Variants in SCARF1 observed in about 807,000 individuals in gnomAD.
SCARF1 encodes the protein scavenger receptor class F member 1.
Under a neutral mutation model 76.3 loss-of-function variants are expected in SCARF1, and 49 were observed. That is an observed-to-expected ratio of 0.64 (90% CI 0.51 to 0.81). The LOEUF is 0.81. Ranked by LOEUF, SCARF1 falls within the 40% of genes least tolerant of loss-of-function variation. The pLI is 0.00. For missense variants in SCARF1, 1,098 were observed against 1,143.9 expected (o/e 0.96, Z 0.58); for synonymous variants, 495 against 474.6 (o/e 1.04, Z -0.56).
chr17:1,645,701 A>G lies in SCARF1; in HGVS notation c.-4T>C. On this transcript the variant is annotated 5_prime_UTR_variant, in exon 1 of 11. Transcript: ENST00000263071. This position sits in a 1 kb window ranked among gnomAD's most constrained non-coding sequence, Gnocchi z 6.3. ...GGAGCAGCAGCCCCAGCCCCATGGC[A>G]GGCAGCTCGGTGGGAGCGCTCGGGT... The G allele has an allele frequency of 1.3e-6, 2 of 1,596,736 alleles. No individual in the cohort carries two copies. Among genetic ancestry groups the G allele is most frequent in the Non-Finnish European group, 1.7e-6 (2 of 1,174,554 alleles).
Position 1,644,631 on chromosome 17 carries a change from T to G in SCARF1, c.265+203A>C. The G allele has an allele frequency of 1.7e-6, 1 of 602,486 alleles. No homozygotes were observed. The highest frequency in any genetic ancestry group is 3.0e-6 in the Non-Finnish European group (1 of 337,432). 37.3% of individuals were successfully genotyped at this position (602,486 alleles called of 1,614,324 possible). On this transcript the variant is annotated intron_variant, in intron 3 of 10. Coordinates refer to ENST00000263071, the MANE Select transcript of SCARF1 (RefSeq NM_003693.4). The surrounding 1 kb of genome is among the most constrained non-coding windows in gnomAD (Gnocchi z 4.8). Reference sequence around the variant, plus strand: ...GCTCAGGTGGGCAGTGCTTTGTGGATGTGGGTAAAAACCCGGTGACTCAGG... The same window carrying G: ...GCTCAGGTGGGCAGTGCTTTGTGGAGGTGGGTAAAAACCCGGTGACTCAGG...
rs917379871 is a variant in SCARF1, at chr17:1,643,515, G to A, written c.718C>T (p.Pro240Ser). Residue 240 changes from proline to serine, a missense_variant, in exon 4 of 11, where the codon CCG (proline) becomes TCG (serine). By Grantham distance (74) the Pro-to-Ser change is moderately conservative. Coordinates refer to ENST00000263071, the MANE Select transcript of SCARF1 (RefSeq NM_003693.4). ...CSAASGECTC[P>S]PGFRGARCEL... is the part of the protein sequence containing the mutation. ...CAGCGCGCTCCGCGGAAGCCGGGCGGGCAGGTGCACTCGCCGGAGGCGGCG... is the reference window on the plus strand; with the variant it reads ...CAGCGCGCTCCGCGGAAGCCGGGCGAGCAGGTGCACTCGCCGGAGGCGGCG... 1 of 1,371,042 alleles carries A rather than the reference G, an allele frequency of 7.3e-7. No individual in the cohort carries two copies. Among genetic ancestry groups the A allele is most frequent in the South Asian group, 1.7e-5 (1 of 59,126 alleles). The allele number at this position is 1,371,042 out of a possible 1,614,324, so 84.9% of individuals were successfully genotyped here. A position where few individuals can be genotyped will look rare whatever the true frequency, so the allele number is the denominator to read the frequency against.
Position 1,643,667 on chromosome 17 carries a change from C to T in SCARF1, c.566G>A (p.Arg189His). 2 of 1,466,992 alleles carry T rather than the reference C, an allele frequency of 1.4e-6. No individual in the cohort carries two copies. Among genetic ancestry groups the T allele is most frequent in the Non-Finnish European group, 9.0e-7 (1 of 1,116,568 alleles). The allele number at this position is 1,466,992 out of a possible 1,614,324, so 90.9% of individuals were successfully genotyped here. Reference sequence around the variant, plus strand: ...GTGGCAGTTGCAGCGGAAGCTGCAGCGGCGCCCCCACCAGCCCGGCTTGCA... The same window carrying T: ...GTGGCAGTTGCAGCGGAAGCTGCAGTGGCGCCCCCACCAGCCCGGCTTGCA... ...CVCKPGWWGRRCSFRCNCHGS... is the reference protein window; with the variant it reads ...CVCKPGWWGRHCSFRCNCHGS... The change falls in exon 4 of 11, where the codon CGC (arginine) becomes CAC (histidine). Residue 189 changes from arginine (R) to histidine (H), a missense_variant. Physicochemically the swap from Arg to His is conservative, Grantham distance 29. Transcript: ENST00000263071.
In SCARF1 at chr17:1,638,819, C is replaced by T. The variant is rs1364682040; in HGVS notation, c.1351G>A (p.Asp451Asn). The T allele has an allele frequency of 1.2e-6, 2 of 1,608,768 alleles. No individual in the cohort carries two copies. The highest frequency in any genetic ancestry group is 1.7e-6 in the Non-Finnish European group (2 of 1,177,172). ...CACCCWAPRSDLKDRPARDGA... is the reference protein window; with the variant it reads ...CACCCWAPRSNLKDRPARDGA... ...GCTGGCGTTCACCTGTCCTTGAGGT[C>T]TGATCGGGGGGCCCAGCAGCAGCAG... is the stretch of plus-strand genomic sequence containing the variant. Residue 451 changes from aspartate to asparagine, a missense_variant, in exon 8 of 11, where the codon GAC becomes AAC. Physicochemically the swap from Asp to Asn is conservative, Grantham distance 23 (BLOSUM62 1). Coordinates refer to ENST00000263071, the MANE Select transcript of SCARF1 (RefSeq NM_003693.4).
rs549944619 is a variant in SCARF1 at position 1,644,967 on chromosome 17, G to A, written c.164-32C>T. 2.8e-5 allele frequency: 45 copies of A among 1,604,456 alleles called. No homozygotes were observed. The African/African-American group carries it at 4.3e-4, about 15-fold the overall frequency. ...GACACCCCACCCAGGTTGGAAAGAC[G>A]GGAGCAGGACCAGGGGACACCCCTG... is the stretch of plus-strand genomic sequence containing the variant. On this transcript the variant is annotated intron_variant, in intron 2 of 10. Coordinates refer to ENST00000263071, the MANE Select transcript of SCARF1 (RefSeq NM_003693.4). The surrounding 1 kb of genome is among the most constrained non-coding windows in gnomAD (Gnocchi z 4.8).
chr17:1,636,785 A>T lies in SCARF1; in HGVS notation c.1557T>A (p.Thr519=), dbSNP rs1367263881. ...FIEPPSAGWA[T]DDSFSSDPES... is the part of the protein sequence containing the mutation. Reference sequence around the variant, plus strand: ...CAGGATCGGATGAGAAGGAGTCATCAGTGGCCCAGCCGGCAGAGGGCGGCT... The same window carrying T: ...CAGGATCGGATGAGAAGGAGTCATCTGTGGCCCAGCCGGCAGAGGGCGGCT... Residue 519 remains threonine, a synonymous_variant, in exon 10 of 11, where the codon ACT becomes ACA. Transcript: ENST00000263071. The T allele has an allele frequency of 6.2e-7, 1 of 1,613,886 alleles. No homozygotes were observed. The highest frequency in any genetic ancestry group is 8.5e-7 in the Non-Finnish European group (1 of 1,179,988).
In SCARF1 at chr17:1,645,247, GC is replaced by G. The variant is rs1484573409; in HGVS notation, c.102-9del. On this transcript the variant is annotated splice_polypyrimidine_tract_variant and intron_variant, in intron 1 of 10. Transcript: ENST00000263071. This position sits in a 1 kb window ranked among gnomAD's most constrained non-coding sequence, Gnocchi z 6.3. The stretch of plus-strand genomic sequence containing the variant: ...TGCAGCTCAGCAGAGGGGCTGTGGG[GC>G]AAAAAGGGGTCAGCCGGACATGGTG... The G allele has an allele frequency of 6.2e-7, 1 of 1,612,216 alleles. No homozygotes were observed. Among genetic ancestry groups the G allele is most frequent in the African/African-American group, 1.3e-5 (1 of 74,816 alleles).
chr17:1,639,114 C>T lies in SCARF1; in HGVS notation c.1244-188G>A, dbSNP rs549881617. Among the ~76,000 whole-genome samples, 16 of 152,356 alleles carry T rather than the reference C, an allele frequency of 1.1e-4. No homozygotes were observed. The East Asian group carries it at 2.7e-3, about 26-fold the overall frequency. ...AGGCCATGTCAGTGTCCAGCCACCC[C>T]GCTGCCCATTTCACGGCTCTAGCCT... On this transcript the variant is annotated intron_variant, in intron 7 of 10. Coordinates refer to ENST00000263071, the MANE Select transcript of SCARF1 (RefSeq NM_003693.4).
In SCARF1 at chr17:1,635,554, G is replaced by A; in HGVS notation, c.1697C>T (p.Pro566Leu). Residue 566 changes from proline (P) to leucine (L), a missense_variant, in exon 11 of 11, where the codon CCC becomes CTC. Coordinates refer to ENST00000263071, the MANE Select transcript of SCARF1 (RefSeq NM_003693.4). ...EASLAAGAFP[P>L]PEDASTPFAI... ...GAATGGCGTGGAGGCGTCCTCAGGG[G>A]GCGGGAAAGCACCTGCAGCCAGGCT... 6.2e-7 allele frequency: 1 copy of A among 1,611,806 alleles called. No individual in the cohort carries two copies. The highest frequency in any genetic ancestry group is 8.5e-7 in the Non-Finnish European group (1 of 1,179,998).
intron 4 of SCARF1, among the ~76,000 whole-genome samples, chr17:1,642,053 A>G (rs62088046): frequency 0.026 from 3,920 of 152,290 alleles, 71 homozygotes; most frequent in Middle Eastern, 0.041. Flanking sequence ...GAGTGCAGCC[A>G]GTCAAAGTTT....
chr17:1,636,704 G>C lies in SCARF1; in HGVS notation c.1633+5C>G, dbSNP rs774488029. ...CAGGGGCTATGTGGGCTGTTGGGGG[G>C]CTACCTTCTTGGGGTGGCACACAGT... On this transcript the variant is annotated splice_donor_5th_base_variant and intron_variant, in intron 10 of 10. Transcript: ENST00000263071. 2.5e-6 allele frequency: 4 copies of C among 1,613,638 alleles called. No homozygotes were observed. Among genetic ancestry groups the C allele is most frequent in the Admixed American group, 3.3e-5 (2 of 60,000 alleles).
In SCARF1 at chr17:1,645,729, G is replaced by T. The variant is rs112591950; in HGVS notation, c.-32C>A. ...CAGCTCGGTGGGAGCGCTCGGGTTC[G>T]TCTGGCCCCCACAGCTCCCAACCCC... On this transcript the variant is annotated 5_prime_UTR_variant, in exon 1 of 11. Coordinates refer to ENST00000263071, the MANE Select transcript of SCARF1 (RefSeq NM_003693.4). The surrounding 1 kb of genome is among the most constrained non-coding windows in gnomAD (Gnocchi z 6.3). The T allele has an allele frequency of 4.5e-6, 7 of 1,562,814 alleles. No homozygotes were observed. In the African/African-American group the frequency reaches 6.8e-5, roughly 15 times the overall value.
chr17:1,635,596 GC>G lies in SCARF1; in HGVS notation c.1654del (p.Ala552GlnfsTer31). The G allele has an allele frequency of 6.2e-7, 1 of 1,603,268 alleles. No homozygotes were observed. ...AGCCAGGCTGGCCTCTGACGACCCT[GC>G]CTGGGCCACAGGGACCATCCCTGGC... The part of the protein sequence containing the change: ...PQEGMVPVAQ[A>X]GSSEASLAAG... On this transcript the variant is annotated frameshift_variant, in exon 11 of 11. Coordinates refer to ENST00000263071, the MANE Select transcript of SCARF1 (RefSeq NM_003693.4). LOFTEE classifies it low-confidence loss of function (END_TRUNC).
rs570663174 is a variant in SCARF1 at position 1,643,357 on chromosome 17, C to T, written c.791+85G>A. 3.5e-3 allele frequency: 1,028 copies of T among 295,714 alleles called. 16 individuals are homozygous for T. Among genetic ancestry groups the T allele is most frequent in the East Asian group, 0.016 (282 of 17,232 alleles). 18.3% of individuals were successfully genotyped at this position (295,714 alleles called of 1,614,324 possible). On this transcript the variant is annotated intron_variant, in intron 4 of 10. Transcript: ENST00000263071. ...CGCCCCGCCCCCTGTCTCCGCCCCG[C>T]CCCCCTGTCTCCGCCCCGCCCCGCC...
In SCARF1 at chr17:1,645,023, C is replaced by T. The variant is rs1910417004; in HGVS notation, c.164-88G>A. The T allele has an allele frequency of 2.0e-6, 3 of 1,536,268 alleles. No individual in the cohort carries two copies. Among genetic ancestry groups the T allele is most frequent in the Non-Finnish European group, 2.7e-6 (3 of 1,123,734 alleles). ...TCACTGGCTCCAGGGGCCATGCCTC[C>T]TCAAGAGGTGCCCCTTCAGGCCTGG... On this transcript the variant is annotated intron_variant, in intron 2 of 10. Coordinates refer to ENST00000263071, the MANE Select transcript of SCARF1 (RefSeq NM_003693.4). This position sits in a 1 kb window ranked among gnomAD's most constrained non-coding sequence, Gnocchi z 6.3.
rs749576012 is a variant in SCARF1, at chr17:1,643,510, G to A, written c.723C>T (p.Pro241=). The A allele has an allele frequency of 3.0e-5, 40 of 1,354,360 alleles. No homozygotes were observed. The highest frequency in any genetic ancestry group is 3.1e-5 in the African/African-American group (2 of 65,156). The allele number at this position is 1,354,360 out of a possible 1,614,324, so 83.9% of individuals were successfully genotyped here. The change falls in exon 4 of 11, where the codon CCC becomes CCT. Residue 241 remains proline (P), a synonymous_variant. Coordinates refer to ENST00000263071, the MANE Select transcript of SCARF1 (RefSeq NM_003693.4). ...GCTCGCAGCGCGCTCCGCGGAAGCC[G>A]GGCGGGCAGGTGCACTCGCCGGAGG... ...SAASGECTCP[P]GFRGARCELP... is the part of the protein sequence containing the mutation.
At position 1,644,889 on chromosome 17, in the gene SCARF1, C is replaced by T. The variant is rs1910399234; in HGVS notation, c.210G>A (p.Val70=). Residue 70 remains valine (V), a synonymous_variant, in exon 3 of 11, where the codon GTG becomes GTA. Transcript: ENST00000263071. The surrounding 1 kb of genome is among the most constrained non-coding windows in gnomAD (Gnocchi z 4.8). Reference sequence around the variant, plus strand: ...GCTTGCATCGACAGAGGCCCGGCTTCACACACACCTCGTCTTTCTGGCAGG... The same window carrying T: ...GCTTGCATCGACAGAGGCCCGGCTTTACACACACCTCGTCTTTCTGGCAGG... ...PDACQKDEVC[V]KPGLCRCKPG... is the part of the protein sequence containing the mutation. 1 of 1,613,422 alleles carries T rather than the reference C, an allele frequency of 6.2e-7. No individual in the cohort carries two copies. The highest frequency in any genetic ancestry group is 8.5e-7 in the Non-Finnish European group (1 of 1,179,970).
chr17:1,640,367 G>A lies in SCARF1; in HGVS notation c.1010+81C>T. Reference sequence around the variant, plus strand: ...CCGCATGAACCTGTGTGTCGGGGAGGGTGGTGCTCTCGGAGAGAGCCGCTG... The same window carrying A: ...CCGCATGAACCTGTGTGTCGGGGAGAGTGGTGCTCTCGGAGAGAGCCGCTG... On this transcript the variant is annotated intron_variant, in intron 5 of 10. Coordinates refer to ENST00000263071, the MANE Select transcript of SCARF1 (RefSeq NM_003693.4). The surrounding 1 kb of genome is among the most constrained non-coding windows in gnomAD (Gnocchi z 4.7). 1.6e-6 allele frequency: 2 copies of A among 1,267,592 alleles called. No homozygotes were observed. The highest frequency in any genetic ancestry group is 2.2e-6 in the Non-Finnish European group (2 of 906,138). 78.5% of individuals were successfully genotyped at this position (1,267,592 alleles called of 1,614,324 possible).
Position 1,638,935 on chromosome 17 carries a change from G to A in SCARF1, c.1244-9C>T, listed in dbSNP as rs748706664. The A allele has an allele frequency of 3.8e-6, 6 of 1,578,738 alleles. No homozygotes were observed. In the South Asian group the frequency reaches 5.8e-5, roughly 15 times the overall value. On this transcript the variant is annotated splice_polypyrimidine_tract_variant and intron_variant, in intron 7 of 10. Coordinates refer to ENST00000263071, the MANE Select transcript of SCARF1 (RefSeq NM_003693.4). ...GTCCCGACTGCCAGAGCCTGGGGGA[G>A]CCAGAAACGGGGGATATTCAGGCCT...
Sources: allele counts gnomAD v4.1 joint callset (sites outside exome capture counted in the v4.1 genomes callset), GRCh38; gene constraint gnomAD v4.1.1; non-coding constraint Gnocchi (gnomAD v3.1); transcripts MANE v1.5; gene names NCBI Gene and HGNC (gene_info 2026-07-23, HGNC 2026-07-21).